LRRC8A: variants seen among roughly 807,000 people sequenced by gnomAD.
LRRC8A encodes leucine rich repeat containing 8 VRAC subunit A, also known as volume-regulated anion channel subunit LRRC8A.
LRRC8A carries 24 observed loss-of-function variants against 52.5 expected under a neutral mutation model. That is an observed-to-expected ratio of 0.46 (90% CI 0.33 to 0.64). The LOEUF is 0.64. Among genes scored for constraint, LRRC8A ranks in the 30% least tolerant of loss-of-function variants. LRRC8A has a pLI of 0.02. For missense variants in LRRC8A, 677 were observed against 1,094.7 expected (o/e 0.62, Z 5.38); for synonymous variants, 492 against 494.2 (o/e 1.00, Z 0.06).
rs1465382720 is a variant in LRRC8A at position 128,908,728 on chromosome 9, C to T, written c.1564C>T (p.His522Tyr). The change falls in exon 3 of 4, where the codon CAC becomes TAC. Residue 522 changes from histidine (H) to tyrosine (Y), a missense_variant. His to Tyr is a moderately conservative substitution (Grantham distance 83). Coordinates refer to ENST00000372600, the MANE Select transcript of LRRC8A (RefSeq NM_019594.4). ...IYSLKTLEELHLTGNLSAENN... is the reference protein window; with the variant it reads ...IYSLKTLEELYLTGNLSAENN... The stretch of plus-strand genomic sequence containing the variant: ...TAGCCTGAAGACACTGGAGGAGCTG[C>T]ACCTGACGGGCAACCTGAGCGCGGA... The T allele has an allele frequency of 1.9e-6, 3 of 1,613,164 alleles. No individual in the cohort carries two copies. Among genetic ancestry groups the T allele is most frequent in the South Asian group, 1.1e-5 (1 of 91,086 alleles).
intron 1 of LRRC8A, chr9:128,882,705 C>T (rs781222754): frequency 7.5e-6 from 3 of 398,904 alleles, no homozygotes; most frequent in Non-Finnish European, 8.8e-6. Flanking sequence ...TCCCTTGCAC[C>T]CCTCCTTCCT....
chr9:128,895,649 C>T (rs1049699964), intron 2 of LRRC8A, among the ~76,000 whole-genome samples: 28 of 152,214 alleles, frequency 1.8e-4, no homozygotes, highest in Non-Finnish European at 3.8e-4. Flanking sequence ...ATGATGCCCA[C>T]TTCTACATCT....
intron 2 of LRRC8A, among the ~76,000 whole-genome samples, chr9:128,901,418 C>G (rs527644525): frequency 4.1e-4 from 63 of 152,044 alleles, no homozygotes; most frequent in African/African-American, 1.2e-3. Context: ...GAGCCCAGAT[C>G]GTGCCACTGC....
chr9:128,895,462 T>TC (rs1461207976), intron 2 of LRRC8A, among the ~76,000 whole-genome samples: 2 of 152,222 alleles, frequency 1.3e-5, no homozygotes, highest in East Asian at 1.9e-4. Flanking sequence ...TGTCCCAAAC[T>TC]CCAAGTCCTT....
chr9:128,912,413 G>A (rs1159429002), intron 3 of LRRC8A, among the ~76,000 whole-genome samples: 3 of 146,002 alleles, frequency 2.1e-5, no homozygotes, highest in Admixed American at 7.3e-5. Context: ...AGGTGGAGGG[G>A]AAAGGGACAG....
rs958175707 is a variant in LRRC8A at position 128,902,162 on chromosome 9, C to T, written c.-8-4995C>T. ...CCTCCACTCCCCAGACACACTCAAACTGGAGAGAGGAACCTGAAGCAGAAG... is the reference window on the plus strand; with the variant it reads ...CCTCCACTCCCCAGACACACTCAAATTGGAGAGAGGAACCTGAAGCAGAAG... On this transcript the variant is annotated intron_variant, in intron 2 of 3. Transcript: ENST00000372600. The surrounding 1 kb of genome is among the most constrained non-coding windows in gnomAD (Gnocchi z 4.1). Among the ~76,000 whole-genome samples, 1 of 152,224 alleles carries T rather than the reference C, an allele frequency of 6.6e-6. No individual in the cohort carries two copies. The highest frequency in any genetic ancestry group is 2.1e-4 in the South Asian group (1 of 4,836).
intron 2 of LRRC8A, among the ~76,000 whole-genome samples, chr9:128,901,305 T>C (rs1840014733): frequency 6.6e-6 from 1 of 151,656 alleles, no homozygotes; most frequent in African/African-American, 2.4e-5. Context: ...TTGACTAAAA[T>C]ATGAAAAATT....
intron 2 of LRRC8A, among the ~76,000 whole-genome samples, chr9:128,904,112 C>A (rs1341153874): frequency 6.6e-6 from 1 of 152,144 alleles, no homozygotes; most frequent in Non-Finnish European, 1.5e-5. Context: ...TCTGGGCACC[C>A]CTGTTCCTCT....
chr9:128,909,366 C>T (rs1451347370), intron 3 of LRRC8A, 45 bp downstream of exon 3: 1 of 1,574,060 alleles, frequency 6.4e-7, no homozygotes, highest in South Asian at 1.1e-5. Context: ...GGCGGGTGGC[C>T]TGGCCAGGGC....
intron 2 of LRRC8A, among the ~76,000 whole-genome samples, chr9:128,900,294 C>T (rs912978353): frequency 6.6e-6 from 1 of 152,206 alleles, no homozygotes; most frequent in Admixed American, 6.5e-5. Context: ...CTGAGTGTAT[C>T]GAGTCCTAAC....
intron 2 of LRRC8A, among the ~76,000 whole-genome samples, chr9:128,900,544 A>G (rs920164182): frequency 5.9e-5 from 9 of 151,826 alleles, no homozygotes; most frequent in African/African-American, 1.9e-4. Flanking sequence ...CCCTGTCTCT[A>G]CTAAAATACA....
chr9:128,903,617 G>T (rs1288211790), intron 2 of LRRC8A, among the ~76,000 whole-genome samples: 1 of 151,738 alleles, frequency 6.6e-6, no homozygotes, highest in Admixed American at 6.5e-5. Context: ...GTTTCACCTT[G>T]TTAGCCAGGA....
chr9:128,882,409 C>A (rs1265118910), intron 1 of LRRC8A, 159 bp downstream of exon 1: 5 of 290,448 alleles, frequency 1.7e-5, no homozygotes, highest in Non-Finnish European at 3.2e-5. Flanking sequence ...CGGCCTACCT[C>A]TGGGCTCCCC....
chr9:128,908,799 C>T lies in LRRC8A; in HGVS notation c.1635C>T (p.Arg545=). The T allele has an allele frequency of 1.2e-6, 2 of 1,613,500 alleles. No homozygotes were observed. The highest frequency in any genetic ancestry group is 1.7e-6 in the Non-Finnish European group (2 of 1,180,028). Residue 545 remains arginine, a synonymous_variant, in exon 3 of 4, where the codon CGC becomes CGT. Transcript: ENST00000372600. ...IVIDGLRELK[R]LKVLRLKSNL... Reference sequence around the variant, plus strand: ...TCGACGGGCTGCGGGAGCTCAAACGCCTCAAGGTGCTGCGGCTCAAGAGCA... The same window carrying T: ...TCGACGGGCTGCGGGAGCTCAAACGTCTCAAGGTGCTGCGGCTCAAGAGCA...
chr9:128,905,156 G>C (rs1487589877), intron 2 of LRRC8A, among the ~76,000 whole-genome samples: 1 of 152,168 alleles, frequency 6.6e-6, no homozygotes, highest in African/African-American at 2.4e-5. Flanking sequence ...TTGGGCAACA[G>C]AGCAAGATCC....
At chr9:128,905,745 G>A (rs960082815) in intron 2 of LRRC8A, among the ~76,000 whole-genome samples, 2 of 152,148 alleles carry the variant, frequency 1.3e-5, no homozygotes, top group African/African-American at 4.8e-5. Context: ...TCGGGAGGCT[G>A]AGGCAGGAGA....
At chr9:128,894,363 A>G (rs1839740929) in intron 2 of LRRC8A, among the ~76,000 whole-genome samples, 1 of 151,982 alleles carries the variant, frequency 6.6e-6, no homozygotes, top group African/African-American at 2.4e-5. Context: ...GGGTGCCTAT[A>G]GTCCCAGCTA....
intron 2 of LRRC8A, among the ~76,000 whole-genome samples, chr9:128,891,557 T>C (rs1389926060): frequency 6.6e-6 from 1 of 152,098 alleles, no homozygotes; most frequent in African/African-American, 2.4e-5. Context: ...CAAGATCCTG[T>C]CTCAAAAAAA....
At position 128,908,481 on chromosome 9, in the gene LRRC8A, T is replaced by G; in HGVS notation, c.1317T>G (p.Pro439=). The G allele has an allele frequency of 1.2e-6, 2 of 1,613,044 alleles. No individual in the cohort carries two copies. Among genetic ancestry groups the G allele is most frequent in the Non-Finnish European group, 1.7e-6 (2 of 1,179,980 alleles). ...ACCTGTTCATGCTCAGTGGCATCCC[T>G]GACACTGTGTTTGACCTGGTGGAGC... ...ELHLFMLSGI[P]DTVFDLVELE... Residue 439 remains proline, a synonymous_variant, in exon 3 of 4, where the codon CCT becomes CCG. Coordinates refer to ENST00000372600, the MANE Select transcript of LRRC8A (RefSeq NM_019594.4).
Sources: gnomAD v4.1 joint callset for allele counts (sites outside exome capture counted in the v4.1 genomes callset) on GRCh38, gnomAD v4.1.1 for gene constraint, Gnocchi (gnomAD v3.1) non-coding constraint, MANE v1.5 for transcripts, NCBI Gene and HGNC (gene_info 2026-07-23, HGNC 2026-07-21) for gene names.